VRTN: variants seen among roughly 807,000 people sequenced by gnomAD.
VRTN encodes the protein vertnin.
In VRTN, 5 loss-of-function variants were observed where a neutral mutation model predicts 18.2. The ratio of observed to expected loss-of-function variants is 0.27; its 90% CI spans 0.14 to 0.58. The LOEUF (loss-of-function observed/expected upper bound fraction) is 0.58. Among genes scored for constraint, VRTN ranks in the 20% least tolerant of loss-of-function variants. VRTN has a pLI of 0.91. For synonymous variants in VRTN, 381 were observed against 393.7 expected (o/e 0.97, Z 0.38); for missense variants, 741 against 939.4 (o/e 0.79, Z 2.76).
chr14:74,311,381 T>C (rs577581400), intron 1 of VRTN, among the ~76,000 whole-genome samples: 1 of 152,052 alleles, frequency 6.6e-6, no homozygotes, highest in African/African-American at 2.4e-5. Context: ...ACACAAATAC[T>C]CCTTTTCCTT....
intron 1 of VRTN, among the ~76,000 whole-genome samples, chr14:74,335,299 T>C (rs2085556434): frequency 6.6e-6 from 1 of 152,082 alleles, no homozygotes; most frequent in South Asian, 2.1e-4. Flanking sequence ...GATAATAGAA[T>C]ATGGGAAGCC....
chr14:74,359,182 G>C lies in VRTN; in HGVS notation c.*290G>C. ...TTTTTGGTTTTGATTTGAGTGGGTT[G>C]GTTGGCCCCCTTGCTGGAGTTGGAA... is the stretch of plus-strand genomic sequence containing the variant. On this transcript the variant is annotated 3_prime_UTR_variant, in exon 2 of 2. Coordinates refer to ENST00000256362, the MANE Select transcript of VRTN (RefSeq NM_018228.3). 1 of 402,208 alleles carries C rather than the reference G, an allele frequency of 2.5e-6. No homozygotes were observed. 24.9% of individuals were successfully genotyped at this position (402,208 alleles called of 1,614,324 possible). A position where few individuals can be genotyped will look rare whatever the true frequency, so the allele number is the denominator to read the frequency against.
chr14:74,319,096 T>C (rs1271140770), intron 1 of VRTN, among the ~76,000 whole-genome samples: 1 of 151,952 alleles, frequency 6.6e-6, no homozygotes, highest in Non-Finnish European at 1.5e-5. Context: ...GGCTCGACCT[T>C]GGCTCACCAC....
Position 74,359,000 on chromosome 14 carries a change from A to C in VRTN, c.*108A>C. 6.8e-7 allele frequency: 1 copy of C among 1,464,466 alleles called. No individual in the cohort carries two copies. Among genetic ancestry groups the C allele is most frequent in the South Asian group, 1.5e-5 (1 of 68,596 alleles). The allele number at this position is 1,464,466 out of a possible 1,614,324, so 90.7% of individuals were successfully genotyped here. ...GGATGTCCTTTGCTCTGGGTCCCAC[A>C]GTGTCTACCCTAAGTCCAAGGGTAT... On this transcript the variant is annotated 3_prime_UTR_variant, in exon 2 of 2. Coordinates refer to ENST00000256362, the MANE Select transcript of VRTN (RefSeq NM_018228.3). This position sits in a 1 kb window ranked among gnomAD's most constrained non-coding sequence, Gnocchi z 5.4.
intron 1 of VRTN, among the ~76,000 whole-genome samples, chr14:74,304,606 G>A (rs757303054): frequency 6.6e-6 from 1 of 152,076 alleles, no homozygotes; most frequent in Non-Finnish European, 1.5e-5. Flanking sequence ...AGGCCTCTAC[G>A]CACTAGATGC....
At chr14:74,314,183 G>A (rs1490637630) in intron 1 of VRTN, among the ~76,000 whole-genome samples, 1 of 151,994 alleles carries the variant, frequency 6.6e-6, no homozygotes, top group Non-Finnish European at 1.5e-5. Flanking sequence ...CTAGGCTGGA[G>A]TACAGTGGTG....
chr14:74,326,443 G>A (rs1358204222), intron 1 of VRTN, among the ~76,000 whole-genome samples: 1 of 152,122 alleles, frequency 6.6e-6, no homozygotes, highest in Non-Finnish European at 1.5e-5. Context: ...GGTCTGGCTG[G>A]CTTGAATGTT....
At chr14:74,323,616 A>G (rs1363819809) in intron 1 of VRTN, among the ~76,000 whole-genome samples, 1 of 151,956 alleles carries the variant, frequency 6.6e-6, no homozygotes, top group Non-Finnish European at 1.5e-5. Flanking sequence ...AACAAACAAA[A>G]AAAACCAGTG....
chr14:74,305,960 T>C (rs1198803511), intron 1 of VRTN: 1 of 152,298 alleles, frequency 6.6e-6, no homozygotes, highest in African/African-American at 2.4e-5. Context: ...TAAAGGGTAA[T>C]TGATATTAAA....
In VRTN at chr14:74,311,432, T is replaced by C. The variant is rs962312257; in HGVS notation, c.-164+8256T>C. Among the ~76,000 whole-genome samples, 5 of 151,394 alleles carry C rather than the reference T, an allele frequency of 3.3e-5. No homozygotes were observed. In the East Asian group the frequency reaches 9.7e-4, roughly 29 times the overall value. ...TGCAGCTTGCATTTTTTTTTTTTTTTCTCTTTGAGACAGACTCTCATTCTG... is the reference window on the plus strand; with the variant it reads ...TGCAGCTTGCATTTTTTTTTTTTTTCCTCTTTGAGACAGACTCTCATTCTG... On this transcript the variant is annotated intron_variant, in intron 1 of 2. Coordinates refer to the VRTN transcript ENST00000557177.
At chr14:74,305,200 C>T (rs953331759) in intron 1 of VRTN, among the ~76,000 whole-genome samples, 2 of 151,852 alleles carry the variant, frequency 1.3e-5, no homozygotes, top group African/African-American at 2.4e-5. Flanking sequence ...GGTGTGGTGG[C>T]GGGTGCATGT....
chr14:74,306,806 A>G (rs1595160102), intron 1 of VRTN, among the ~76,000 whole-genome samples: 2 of 150,886 alleles, frequency 1.3e-5, no homozygotes, highest in East Asian at 2.0e-4. Context: ...AGGTCTCACT[A>G]TATTGCCCAG....
At position 74,330,882 on chromosome 14, in the gene VRTN, T is replaced by C. The variant is rs544084995; in HGVS notation, c.-163-6841T>C. Among the ~76,000 whole-genome samples the C allele has an allele frequency of 2.0e-5, 3 of 151,914 alleles. No individual in the cohort carries two copies. In the South Asian group the frequency reaches 6.2e-4, roughly 32 times the overall value. On this transcript the variant is annotated intron_variant, in intron 1 of 2. Transcript: ENST00000557177. ...CCGAAGGGCAAGAACCACCTCCTCA[T>C]TGGCAAAACAGGAGCATGAATAAAA...
At chr14:74,326,038 G>A (rs1327461769) in intron 1 of VRTN, among the ~76,000 whole-genome samples, 2 of 152,118 alleles carry the variant, frequency 1.3e-5, no homozygotes, top group Non-Finnish European at 2.9e-5. Flanking sequence ...AAAGAATGCG[G>A]CTCTGAAAGG....
At chr14:74,319,267 C>G (rs1301688800) in intron 1 of VRTN, among the ~76,000 whole-genome samples, 1 of 152,142 alleles carries the variant, frequency 6.6e-6, no homozygotes, top group Non-Finnish European at 1.5e-5. Context: ...CTCCTGACCC[C>G]AAATGATCCA....
At chr14:74,336,179 A>T (rs1030692551) in intron 1 of VRTN, among the ~76,000 whole-genome samples, 7 of 151,720 alleles carry the variant, frequency 4.6e-5, no homozygotes, top group African/African-American at 1.7e-4. Flanking sequence ...AGGCTGAGGC[A>T]GGCAGATCAC....
intron 1 of VRTN, among the ~76,000 whole-genome samples, chr14:74,322,006 A>T (rs2085458975): frequency 6.7e-6 from 1 of 150,226 alleles, no homozygotes; most frequent in Non-Finnish European, 1.5e-5. Context: ...ACACCCAGCT[A>T]ATTTTTTGTA....
Position 74,358,992 on chromosome 14 carries a change from G to A in VRTN, c.*100G>A. On this transcript the variant is annotated 3_prime_UTR_variant, in exon 2 of 2. Coordinates refer to ENST00000256362, the MANE Select transcript of VRTN (RefSeq NM_018228.3). This position sits in a 1 kb window ranked among gnomAD's most constrained non-coding sequence, Gnocchi z 5.4. ...CTTGGCCAGGATGTCCTTTGCTCTG[G>A]GTCCCACAGTGTCTACCCTAAGTCC... 1 of 1,472,714 alleles carries A rather than the reference G, an allele frequency of 6.8e-7. No individual in the cohort carries two copies. The highest frequency in any genetic ancestry group is 9.0e-7 in the Non-Finnish European group (1 of 1,110,278). 91.2% of individuals were successfully genotyped at this position (1,472,714 alleles called of 1,614,324 possible). A position where few individuals can be genotyped will look rare whatever the true frequency, so the allele number is the denominator to read the frequency against.
chr14:74,303,845 T>A (rs1057100735), intron 1 of VRTN, among the ~76,000 whole-genome samples: 3 of 38,840 alleles, frequency 7.7e-5, no homozygotes, highest in Admixed American at 6.5e-4. Flanking sequence ...AATTACAGAT[T>A]TTTTTTTTTT....
Sources: allele counts gnomAD v4.1 joint callset (sites outside exome capture counted in the v4.1 genomes callset), GRCh38; gene constraint gnomAD v4.1.1; non-coding constraint Gnocchi (gnomAD v3.1); transcripts MANE v1.5; gene names NCBI Gene and HGNC (gene_info 2026-07-23, HGNC 2026-07-21).